The following NELL1 variants were observed in gnomAD, a reference collection of about 807,000 sequenced individuals.
NELL1 encodes the protein protein kinase C-binding protein NELL1.
NELL1 carries 76 observed loss-of-function variants against 107.4 expected under a neutral mutation model. The observed-to-expected ratio is 0.71, with a 90% CI of 0.59 to 0.86. The LOEUF (loss-of-function observed/expected upper bound fraction) is 0.86, where lower values mean the gene tolerates loss of function less well. Ranked by LOEUF, NELL1 falls within the 40% of genes least tolerant of loss-of-function variation. NELL1 has a pLI of 0.00. For missense variants in NELL1, 1,024 were observed against 1,005.5 expected (o/e 1.02, Z -0.25); for synonymous variants, 353 against 341.2 (o/e 1.03, Z -0.38).
intron 14 of NELL1, among the ~76,000 whole-genome samples, chr11:21,347,464 T>C (rs1850709625): frequency 6.6e-6 from 1 of 151,950 alleles, no homozygotes; most frequent in Non-Finnish European, 1.5e-5. Flanking sequence ...TAGCCGAGTG[T>C]GGTGGTGCAT....
chr11:21,142,391 T>A (rs975939511), intron 13 of NELL1, among the ~76,000 whole-genome samples: 3 of 152,224 alleles, frequency 2.0e-5, no homozygotes, highest in Admixed American at 1.3e-4. Flanking sequence ...AGATCCACAT[T>A]TCTCAAATTC....
chr11:20,820,680 T>G (rs1857730096), intron 3 of NELL1, among the ~76,000 whole-genome samples: 1 of 152,124 alleles, frequency 6.6e-6, no homozygotes, highest in African/African-American at 2.4e-5. Context: ...AGCTTCCTCT[T>G]ACCCTGCCCC....
At chr11:21,040,037 A>G (rs1381334363) in intron 12 of NELL1, among the ~76,000 whole-genome samples, 1 of 152,064 alleles carries the variant, frequency 6.6e-6, no homozygotes, top group South Asian at 2.1e-4. Flanking sequence ...AATATAAATA[A>G]AAATATATTT....
chr11:21,559,219 G>C (rs1856794812), intron 16 of NELL1, among the ~76,000 whole-genome samples: 1 of 152,098 alleles, frequency 6.6e-6, no homozygotes, highest in African/African-American at 2.4e-5. Flanking sequence ...AAGTAGACTA[G>C]TAGACACTTA....
At chr11:20,689,566 G>A (rs1459009279) in intron 2 of NELL1, among the ~76,000 whole-genome samples, 16 of 149,670 alleles carry the variant, frequency 1.1e-4, no homozygotes, top group Non-Finnish European at 2.2e-4. Context: ...ATAGTTTACT[G>A]AGAATGATGA....
chr11:21,557,039 C>T (rs906590009), intron 16 of NELL1, among the ~76,000 whole-genome samples: 9 of 151,912 alleles, frequency 5.9e-5, no homozygotes, highest in African/African-American at 7.2e-5. Flanking sequence ...TGCCTCTTCC[C>T]GTTGGCTGCC....
intron 13 of NELL1, among the ~76,000 whole-genome samples, chr11:21,142,405 T>C (rs1855888847): frequency 6.6e-6 from 1 of 152,234 alleles, no homozygotes; most frequent in Non-Finnish European, 1.5e-5. Context: ...CAAATTCCCT[T>C]GCTATCTGGG....
chr11:21,148,897 C>A (rs1016461257), intron 13 of NELL1, among the ~76,000 whole-genome samples: 24 of 152,300 alleles, frequency 1.6e-4, no homozygotes, highest in Non-Finnish European at 2.9e-5. Context: ...GGTCCTGGAA[C>A]ATAAATTCTG....
chr11:20,768,716 A>G (rs1237394477), intron 2 of NELL1, among the ~76,000 whole-genome samples: 1 of 152,174 alleles, frequency 6.6e-6, no homozygotes. Flanking sequence ...AGAGATCATA[A>G]GATTCTATGC....
intron 12 of NELL1, among the ~76,000 whole-genome samples, chr11:20,975,755 A>ATATATATG (rs1851600673): frequency 7.8e-6 from 1 of 128,572 alleles, no homozygotes; most frequent in African/African-American, 3.1e-5. Flanking sequence ...TATAATATAC[A>ATATATATG]TATTATATAT....
chr11:21,425,975 G>A (rs1852811511), intron 15 of NELL1, among the ~76,000 whole-genome samples: 1 of 152,274 alleles, frequency 6.6e-6, no homozygotes, highest in Non-Finnish European at 1.5e-5. Flanking sequence ...GTAGCTAAAA[G>A]AGTGAAATAT....
intron 13 of NELL1, among the ~76,000 whole-genome samples, chr11:21,183,747 C>T (rs986477858): frequency 7.9e-5 from 12 of 151,584 alleles, no homozygotes; most frequent in African/African-American, 2.7e-4. Context: ...GGAACCATGC[C>T]GACCCAACAG....
chr11:21,078,893 C>G (rs1265473605), intron 12 of NELL1, among the ~76,000 whole-genome samples: 4 of 151,814 alleles, frequency 2.6e-5, no homozygotes, highest in African/African-American at 9.7e-5. Context: ...ACAGGGCAGC[C>G]TACAATATAG....
chr11:21,405,047 G>T (rs1185655564), intron 15 of NELL1, among the ~76,000 whole-genome samples: 1 of 152,048 alleles, frequency 6.6e-6, no homozygotes, highest in African/African-American at 2.4e-5. Flanking sequence ...TTGAAGAAAG[G>T]TTTGGGGTTA....
Position 21,300,638 on chromosome 11 carries a change from G to A in NELL1, c.1550-70215G>A, listed in dbSNP as rs542806838. ...TCTCTTCTTCTAACACTTTTCTCAT[G>A]TGTGAGTCTGGTAGAAGCTTGGGGG... On this transcript the variant is annotated intron_variant, in intron 14 of 19. Coordinates refer to ENST00000357134, the MANE Select transcript of NELL1 (RefSeq NM_006157.5). 2.0e-5 allele frequency among the ~76,000 whole-genome samples: 3 copies of A among 152,094 alleles called. No homozygotes were observed. The East Asian group carries it at 5.8e-4, about 30-fold the overall frequency.
At chr11:21,186,787 A>G (rs1856944291) in intron 13 of NELL1, among the ~76,000 whole-genome samples, 1 of 151,934 alleles carries the variant, frequency 6.6e-6, no homozygotes, top group Admixed American at 6.5e-5. Flanking sequence ...ATAGAGGGAA[A>G]TGAATAAGTA....
At chr11:21,102,432 G>T (rs1854843327) in intron 12 of NELL1, among the ~76,000 whole-genome samples, 1 of 152,090 alleles carries the variant, frequency 6.6e-6, no homozygotes, top group South Asian at 2.1e-4. Context: ...TAGGAGCCAG[G>T]TCTGCCTGGA....
chr11:21,510,395 G>T (rs1202428366), intron 15 of NELL1, among the ~76,000 whole-genome samples: 1 of 152,130 alleles, frequency 6.6e-6, no homozygotes, highest in Non-Finnish European at 1.5e-5. Flanking sequence ...TTTTATTTCT[G>T]TTCACTGCTT....
chr11:21,295,615 C>T (rs753492307), intron 14 of NELL1, among the ~76,000 whole-genome samples: 1 of 152,132 alleles, frequency 6.6e-6, no homozygotes, highest in East Asian at 1.9e-4. Flanking sequence ...GGTGACATCA[C>T]TAAAGGCTCA....
Sources: allele counts gnomAD v4.1 joint callset (sites outside exome capture counted in the v4.1 genomes callset), GRCh38; gene constraint gnomAD v4.1.1; transcripts MANE v1.5; gene names NCBI Gene and HGNC (gene_info 2026-07-23, HGNC 2026-07-21).